RSRP1: variants seen among roughly 807,000 people sequenced by gnomAD.
The protein encoded by RSRP1 is arginine and serine rich protein 1.
Under a neutral mutation model 33.0 loss-of-function variants are expected in RSRP1, and 37 were observed. The observed-to-expected ratio is 1.12, with a 90% confidence interval of 0.86 to 1.48. RSRP1 has a LOEUF of 1.48. RSRP1 is among the 40% of genes most tolerant of loss of function. The pLI is 0.00. For synonymous variants in RSRP1, 167 were observed against 158.7 expected (o/e 1.05, Z -0.40); for missense variants, 402 against 385.3 (o/e 1.04, Z -0.36).
intron 1 of RSRP1, among the ~76,000 whole-genome samples, chr1:25,285,741 A>G (rs1179829573): frequency 1.5e-5 from 2 of 135,272 alleles, no homozygotes; most frequent in Admixed American, 7.1e-5. Context: ...TTGGCACTTA[A>G]TAGGAGGAAG....
rs754096516 is a variant in RSRP1, at chr1:25,242,617, CT to C, written c.844del (p.Ser282ValfsTer20). ...GATAGGTATCCACAGTCCATATGGA[CT>C]TTTTTTCTGATCTATTTTTGGTGAT... ...SRSPKIDQKK[S>X]PYGLWIPI On this transcript the variant is annotated frameshift_variant, in exon 5 of 5. Transcript: ENST00000243189. LOFTEE classifies it high-confidence loss of function. The C allele has an allele frequency of 6.2e-7, 1 of 1,612,260 alleles. No homozygotes were observed. The highest frequency in any genetic ancestry group is 1.7e-5 in the Admixed American group (1 of 59,804).
chr1:25,278,631 C>T (rs1402721140), intron 1 of RSRP1, among the ~76,000 whole-genome samples: 1 of 131,050 alleles, frequency 7.6e-6, no homozygotes, highest in Non-Finnish European at 1.8e-5. Flanking sequence ...GCAGAGCTTC[C>T]CTAAGGCTTC....
rs1644911614 is a variant in RSRP1 at position 25,328,832 on chromosome 1, AAG to A, written c.-67+9144_-67+9145del. The A allele has an allele frequency of 6.2e-6, 5 of 804,900 alleles. No individual in the cohort carries two copies. In the East Asian group the frequency reaches 1.2e-4, roughly 20 times the overall value. The allele number at this position is 804,900 out of a possible 1,614,324, so 49.9% of individuals were successfully genotyped here. On this transcript the variant is annotated intron_variant, in intron 1 of 1. Coordinates refer to the RSRP1 transcript ENST00000561867. Reference sequence around the variant, plus strand: ...TGTAATGAGACATTTAGGCTGTTTCAAGAGATCAAGCCAAAATCAGTATGTGG... The same window carrying A: ...TGTAATGAGACATTTAGGCTGTTTCAAGATCAAGCCAAAATCAGTATGTGG...
intron 3 of RSRP1, 30 bp downstream of exon 3, chr1:25,245,120 G>C (rs750112133): frequency 1.9e-6 from 3 of 1,614,120 alleles, no homozygotes; most frequent in Admixed American, 1.7e-5. Flanking sequence ...CTTTCTGAAA[G>C]TTTTGTTCCG....
At chr1:25,259,139 G>T (rs1445033409) in intron 1 of RSRP1, among the ~76,000 whole-genome samples, 1 of 151,642 alleles carries the variant, frequency 6.6e-6, no homozygotes, top group Non-Finnish European at 1.5e-5. Flanking sequence ...TGTCACCCAG[G>T]CTAGAGTGCA....
At chr1:25,291,321 T>A (rs1001712617) in intron 1 of RSRP1, among the ~76,000 whole-genome samples, 1 of 129,472 alleles carries the variant, frequency 7.7e-6, no homozygotes, top group East Asian at 2.0e-4. Context: ...ATACAAAATT[T>A]AGCTGGGCAT....
intron 1 of RSRP1, 131 bp from the exon 2 acceptor site, chr1:25,247,160 G>A: frequency 3.5e-6 from 2 of 575,144 alleles, no homozygotes; most frequent in Non-Finnish European, 2.9e-6. Context: ...CAGGAACCGA[G>A]CCCTAGAAAC....
At chr1:25,311,477 A>G (rs1644144177) in intron 1 of RSRP1, among the ~76,000 whole-genome samples, 1 of 130,286 alleles carries the variant, frequency 7.7e-6, no homozygotes, top group African/African-American at 2.6e-5. Context: ...GTGAGCCAAG[A>G]TCGCGCCACT....
At chr1:25,261,421 T>G (rs1571542328) in intron 1 of RSRP1, among the ~76,000 whole-genome samples, 2 of 151,498 alleles carry the variant, frequency 1.3e-5, no homozygotes, top group South Asian at 4.2e-4. Context: ...TTTTTTTTTT[T>G]TGAGACAGAG....
intron 1 of RSRP1, among the ~76,000 whole-genome samples, chr1:25,310,788 A>C (rs563121005): frequency 1.5e-5 from 2 of 132,342 alleles, no homozygotes; most frequent in East Asian, 3.9e-4. Flanking sequence ...CCTAGCTAAC[A>C]TGGTGAAACG....
intron 1 of RSRP1, among the ~76,000 whole-genome samples, chr1:25,285,151 T>TTTTTTTTTA (rs1641859511): frequency 7.5e-6 from 1 of 132,866 alleles, no homozygotes; most frequent in African/African-American, 2.6e-5. Context: ...TTTTTTTTTT[T>TTTTTTTTTA]GAGACGGAGT....
At chr1:25,292,070 CT>C (rs1642551531) in intron 1 of RSRP1, among the ~76,000 whole-genome samples, 1 of 132,544 alleles carries the variant, frequency 7.5e-6, no homozygotes, top group Non-Finnish European at 1.8e-5. Flanking sequence ...AATTTAACCT[CT>C]TAGAGCTTTA....
intron 3 of RSRP1, chr1:25,244,079 C>T (rs1391156818): frequency 1.3e-5 from 16 of 1,214,836 alleles, no homozygotes; most frequent in Non-Finnish European, 1.5e-5. Flanking sequence ...TTTAAGCCCC[C>T]GAGACGGGAG....
chr1:25,287,799 G>T (rs1571616892), intron 1 of RSRP1, among the ~76,000 whole-genome samples: 1 of 134,024 alleles, frequency 7.5e-6, no homozygotes, highest in South Asian at 2.2e-4. Flanking sequence ...ATAGCTCATT[G>T]CAGCCTGTGC....
Position 25,331,119 on chromosome 1 carries a change from C to T in RSRP1, c.-67+6859G>A, listed in dbSNP as rs1223230203. The stretch of plus-strand genomic sequence containing the variant: ...AGTAGCTGGGACTACAGGTGCCCAC[C>T]ATCATGCCTGGCTAATTTTTGTATT... On this transcript the variant is annotated intron_variant, in intron 1 of 1. Transcript: ENST00000561867. 1.6e-5 allele frequency among the ~76,000 whole-genome samples: 2 copies of T among 127,922 alleles called. 1 individual carries two copies. The highest frequency in any genetic ancestry group is 5.3e-5 in the African/African-American group (2 of 37,468). The allele number at this position is 127,922 out of a possible 152,430, so 83.9% of individuals were successfully genotyped here. A position where few individuals can be genotyped will look rare whatever the true frequency, so the allele number is the denominator to read the frequency against.
intron 1 of RSRP1, among the ~76,000 whole-genome samples, chr1:25,287,431 C>T (rs1226797839): frequency 3.7e-5 from 5 of 135,290 alleles, no homozygotes; most frequent in African/African-American, 1.3e-4. Flanking sequence ...GCTTGGATCC[C>T]CCTAGGGGTG....
chr1:25,258,229 G>A (rs1052407252), intron 1 of RSRP1, among the ~76,000 whole-genome samples: 2 of 152,146 alleles, frequency 1.3e-5, no homozygotes, highest in Non-Finnish European at 2.9e-5. Context: ...TGCCCAAGCT[G>A]GAGTGCAGTG....
rs1471993368 is a variant in RSRP1, at chr1:25,295,914, T to C, written c.-67+42064A>G. On this transcript the variant is annotated intron_variant, in intron 1 of 1. Transcript: ENST00000561867. Reference sequence around the variant, plus strand: ...TTTCGCTGTTGTCATCCAGGCTGGATTGCAATGTTGCAATCTTGGCTCACT... The same window carrying C: ...TTTCGCTGTTGTCATCCAGGCTGGACTGCAATGTTGCAATCTTGGCTCACT... Among the ~76,000 whole-genome samples the C allele has an allele frequency of 1.8e-5, 2 of 111,746 alleles. 1 individual carries two copies. The highest frequency in any genetic ancestry group is 4.2e-5 in the Non-Finnish European group (2 of 47,444). 73.3% of individuals were successfully genotyped at this position (111,746 alleles called of 152,430 possible). A position where few individuals can be genotyped will look rare whatever the true frequency, so the allele number is the denominator to read the frequency against.
rs1641608608 is a variant in RSRP1 at position 25,282,772 on chromosome 1, G to A, written c.-66-35743C>T. Reference sequence around the variant, plus strand: ...CCAGGCGTGGTGGCGCGCGCCTGTGGTTCCCACTGAAGCACAGGAGGCTGA... The same window carrying A: ...CCAGGCGTGGTGGCGCGCGCCTGTGATTCCCACTGAAGCACAGGAGGCTGA... On this transcript the variant is annotated intron_variant, in intron 1 of 1. Transcript: ENST00000561867. 1.5e-5 allele frequency among the ~76,000 whole-genome samples: 2 copies of A among 130,314 alleles called. 1 individual carries two copies. Among genetic ancestry groups the A allele is most frequent in the African/African-American group, 5.2e-5 (2 of 38,238 alleles). The allele number at this position is 130,314 out of a possible 152,430, so 85.5% of individuals were successfully genotyped here.
Sources: gnomAD v4.1 joint callset for allele counts (sites outside exome capture counted in the v4.1 genomes callset) on GRCh38, gnomAD v4.1.1 for gene constraint, MANE v1.5 for transcripts, NCBI Gene and HGNC (gene_info 2026-07-23, HGNC 2026-07-21) for gene names.